RIMBP2: variants seen among roughly 807,000 people sequenced by gnomAD.
RIMBP2 encodes RIMS-binding protein 2.
RIMBP2 carries 48 observed loss-of-function variants against 118.6 expected under a neutral mutation model. That is an observed-to-expected ratio of 0.40 (90% confidence interval 0.32 to 0.51). The LOEUF (loss-of-function observed/expected upper bound fraction) is 0.51, where lower values mean the gene tolerates loss of function less well. Among genes scored for constraint, RIMBP2 ranks in the 20% least tolerant of loss-of-function variants. The pLI is 0.41. For missense variants in RIMBP2, 1,551 were observed against 1,768.3 expected (o/e 0.88, Z 2.20); for synonymous variants, 762 against 742.9 (o/e 1.03, Z -0.42).
rs1555242357 is a variant in RIMBP2, at chr12:130,422,798, T to TC, written c.3130-238_3130-237insG. Among the ~76,000 whole-genome samples the TC allele has an allele frequency of 6.6e-6, 1 of 152,046 alleles. No individual in the cohort carries two copies. The highest frequency in any genetic ancestry group is 1.5e-5 in the Non-Finnish European group (1 of 67,990). Reference sequence around the variant, plus strand: ...GGGTGAGGGCAAAAATAATTCCTTGTGGGGGGGTCTCTTTTGGTTGCTGCT... The same window carrying TC: ...GGGTGAGGGCAAAAATAATTCCTTGTCGGGGGGGTCTCTTTTGGTTGCTGCT... On this transcript the variant is annotated intron_variant, in intron 16 of 22. Transcript: ENST00000690449. The surrounding 1 kb of genome is among the most constrained non-coding windows in gnomAD (Gnocchi z 5.2).
intron 2 of RIMBP2, among the ~76,000 whole-genome samples, chr12:130,592,323 G>A (rs2059318577): frequency 1.3e-5 from 2 of 152,156 alleles, no homozygotes; most frequent in South Asian, 4.1e-4. Flanking sequence ...ACAGAGAAGG[G>A]GAACGAAATA....
At chr12:130,480,404 C>T (rs1052605642) in intron 4 of RIMBP2, among the ~76,000 whole-genome samples, 5 of 152,176 alleles carry the variant, frequency 3.3e-5, no homozygotes, top group Admixed American at 2.0e-4. Context: ...TGCGGCCCCA[C>T]GGGCCTGCCC....
At position 130,613,517 on chromosome 12, in the gene RIMBP2, C is replaced by T. The variant is rs569308887; in HGVS notation, c.-217+14805G>A. 7.2e-5 allele frequency among the ~76,000 whole-genome samples: 11 copies of T among 152,204 alleles called. No homozygotes were observed. The South Asian group carries it at 1.0e-3, about 14-fold the overall frequency. The stretch of plus-strand genomic sequence containing the variant: ...CCCAGCACAGACTTCTTCCTTTCTT[C>T]GGTAAAGATTCAGTCTCGGCCGGGC... On this transcript the variant is annotated intron_variant, in intron 2 of 22. Transcript: ENST00000690449.
At chr12:130,644,814 C>T (rs1474967449) in intron 1 of RIMBP2, among the ~76,000 whole-genome samples, 2 of 152,228 alleles carry the variant, frequency 1.3e-5, no homozygotes, top group Non-Finnish European at 2.9e-5. Flanking sequence ...CACAGAGTCA[C>T]TGGGCAAAGC....
At chr12:130,529,535 A>G (rs1218906687) in intron 2 of RIMBP2, among the ~76,000 whole-genome samples, 1 of 152,236 alleles carries the variant, frequency 6.6e-6, no homozygotes, top group Non-Finnish European at 1.5e-5. Context: ...TTTTGGAACT[A>G]GATAGAGGTG....
intron 4 of RIMBP2, among the ~76,000 whole-genome samples, chr12:130,496,302 C>T (rs764156980): frequency 6.6e-6 from 1 of 152,178 alleles, no homozygotes; most frequent in African/African-American, 2.4e-5. Flanking sequence ...CTTCTCTTGC[C>T]TGCTCCCACG....
intron 1 of RIMBP2, among the ~76,000 whole-genome samples, chr12:130,709,620 C>T (rs560759233): frequency 3.3e-5 from 5 of 152,286 alleles, no homozygotes; most frequent in East Asian, 1.9e-4. Context: ...CTGTTGCCCC[C>T]GTCCCAATAT....
chr12:130,538,016 A>C lies in RIMBP2; in HGVS notation c.-216-20099T>G, dbSNP rs528564096. Among the ~76,000 whole-genome samples, 88 of 152,268 alleles carry C rather than the reference A, an allele frequency of 5.8e-4. 1 individual carries two copies. Among genetic ancestry groups the C allele is most frequent in the African/African-American group, 1.6e-3 (67 of 41,546 alleles). ...TTCACACAGGATCACTAGACTCCAA[A>C]AACTGACAAAAGCAAAATGCAGGTC... On this transcript the variant is annotated intron_variant, in intron 2 of 22. Coordinates refer to ENST00000690449, the MANE Select transcript of RIMBP2 (RefSeq NM_001393629.1).
chr12:130,715,601 C>A (rs1239699458), intron 1 of RIMBP2, among the ~76,000 whole-genome samples: 1 of 152,252 alleles, frequency 6.6e-6, no homozygotes, highest in Non-Finnish European at 1.5e-5. Flanking sequence ...CATGCACGCA[C>A]ACACTCTGCC....
At chr12:130,452,600 T>C (rs1414259167) in intron 7 of RIMBP2, among the ~76,000 whole-genome samples, 2 of 152,266 alleles carry the variant, frequency 1.3e-5, no homozygotes, top group African/African-American at 4.8e-5. Flanking sequence ...GCCTCTTCTC[T>C]GCTCCCAGCC....
rs1027369384 is a variant in RIMBP2 at position 130,620,595 on chromosome 12, C to G, written c.-217+7727G>C. 2.6e-5 allele frequency among the ~76,000 whole-genome samples: 4 copies of G among 152,182 alleles called. No homozygotes were observed. The highest frequency in any genetic ancestry group is 5.9e-5 in the Non-Finnish European group (4 of 68,040). ...GCAGGGCTGCTCCTCAGGTCACAGG[C>G]AGGCTCTGCCCGTGCCTGTCCCCGG... On this transcript the variant is annotated intron_variant, in intron 2 of 22. Transcript: ENST00000690449. This position sits in a 1 kb window ranked among gnomAD's most constrained non-coding sequence, Gnocchi z 5.3.
At chr12:130,503,832 A>T (rs1351628105) in intron 4 of RIMBP2, among the ~76,000 whole-genome samples, 1 of 152,224 alleles carries the variant, frequency 6.6e-6, no homozygotes, top group African/African-American at 2.4e-5. Context: ...GAGGTGGTAT[A>T]TCTTAGTTCT....
At chr12:130,488,390 T>G (rs1371536703) in intron 4 of RIMBP2, among the ~76,000 whole-genome samples, 3 of 150,238 alleles carry the variant, frequency 2.0e-5, no homozygotes, top group African/African-American at 7.4e-5. Flanking sequence ...TGGTGTTAGG[T>G]GGATGGTAGG....
chr12:130,712,492 C>T, intron 1 of RIMBP2, among the ~76,000 whole-genome samples: 1 of 152,170 alleles, frequency 6.6e-6, no homozygotes, highest in East Asian at 1.9e-4. Context: ...ACATCACCGC[C>T]TTCCACCTGC....
rs375324585 is a variant in RIMBP2, at chr12:130,478,906, G to A, written c.102+6C>T. 150 of 1,608,044 alleles carry A rather than the reference G, an allele frequency of 9.3e-5. No homozygotes were observed. The highest frequency in any genetic ancestry group is 4.0e-4 in the African/African-American group (30 of 74,926). On this transcript the variant is annotated splice_donor_region_variant and intron_variant, in intron 5 of 22. Transcript: ENST00000690449. Reference sequence around the variant, plus strand: ...CGCACGCCGCGCCCGGCTGCCCGCCGCTTACCTTCTGCAGAAGGTCAATTT... The same window carrying A: ...CGCACGCCGCGCCCGGCTGCCCGCCACTTACCTTCTGCAGAAGGTCAATTT...
At chr12:130,538,445 T>C (rs113903445) in intron 2 of RIMBP2, among the ~76,000 whole-genome samples, 21 of 152,080 alleles carry the variant, frequency 1.4e-4, no homozygotes, top group African/African-American at 4.8e-4. Flanking sequence ...GTGAGATGAT[T>C]TAAGAAAGAT....
intron 1 of RIMBP2, among the ~76,000 whole-genome samples, chr12:130,663,695 C>T (rs185036551): frequency 4.9e-4 from 75 of 151,882 alleles, no homozygotes; most frequent in Non-Finnish European, 1.3e-4. Flanking sequence ...CCAGACGCCT[C>T]TGAGTGGGGT....
chr12:130,673,990 C>T (rs1282438524), intron 1 of RIMBP2, among the ~76,000 whole-genome samples: 8 of 151,468 alleles, frequency 5.3e-5, no homozygotes, highest in African/African-American at 1.9e-4. Context: ...GCGTAGCACG[C>T]ACCTGTAATC....
intron 1 of RIMBP2, among the ~76,000 whole-genome samples, chr12:130,646,058 A>ACCACCTCCCTCT (rs2062872186): frequency 1.8e-5 from 2 of 114,260 alleles, no homozygotes; most frequent in Admixed American, 9.5e-5. Context: ...CACCTCCCTC[A>ACCACCTCCCTCT]CCACCTGCCT....
Sources: allele counts gnomAD v4.1 joint callset (sites outside exome capture counted in the v4.1 genomes callset), GRCh38; gene constraint gnomAD v4.1.1; non-coding constraint Gnocchi (gnomAD v3.1); transcripts MANE v1.5; gene names NCBI Gene and HGNC (gene_info 2026-07-23, HGNC 2026-07-21).